KLRC1: variants seen among roughly 807,000 people sequenced by gnomAD.
The protein encoded by KLRC1 is killer cell lectin like receptor C1.
In KLRC1, 22 loss-of-function variants were observed where a neutral mutation model predicts 25.9. The ratio of observed to expected loss-of-function variants is 0.85; its 90% CI spans 0.61 to 1.21. The LOEUF (loss-of-function observed/expected upper bound fraction) is 1.21. KLRC1 is among the 50% of genes most tolerant of loss of function. The pLI is 0.00. For synonymous variants in KLRC1, 77 were observed against 93.1 expected (o/e 0.83, Z 0.99); for missense variants, 240 against 272.2 (o/e 0.88, Z 0.83).
At chr12:10,450,190 G>C (rs1015009619) in intron 3 of KLRC1, 1 of 432,408 alleles carries the variant, frequency 2.3e-6, no homozygotes, top group African/African-American at 2.1e-5. Context: ...TATAATTCTT[G>C]ATTTAACTAC....
chr12:10,446,607 G>C lies in KLRC1; in HGVS notation c.646C>G (p.Leu216Val), dbSNP rs758332936. 2 of 1,613,948 alleles carry C rather than the reference G, an allele frequency of 1.2e-6. No individual in the cohort carries two copies. Among genetic ancestry groups the C allele is most frequent in the African/African-American group, 1.3e-5 (1 of 75,034 alleles). ...GAAGATCCACACTGGGCTGATTTAAGTCGATTTACTTGTAGCACTGCACAG... is the reference window on the plus strand; with the variant it reads ...GAAGATCCACACTGGGCTGATTTAACTCGATTTACTTGTAGCACTGCACAG... ...LNCAVLQVNR[L>V]KSAQCGSSII... The change falls in exon 7 of 7, where the codon CTT becomes GTT. Residue 216 changes from leucine (L) to valine (V), a missense_variant. By Grantham distance (32) the Leu-to-Val change is conservative. Transcript: ENST00000359151.
At chr12:10,453,553 T>G (rs550300909), upstream of KLRC1, among the ~76,000 whole-genome samples, 1 of 145,254 alleles carries the variant, frequency 6.9e-6, no homozygotes, top group African/African-American at 2.7e-5. Flanking sequence ...ATTTTTCAAG[T>G]GCCTATGAGA....
rs1224452639 is a variant in KLRC1 at position 10,449,294 on chromosome 12, C to A, written c.432G>T (p.Leu144Phe). ...GKERRTWEES[L>F]LACTSKNSSL... ...TGGAGTTCTTCGAAGTACAGGCCAG[C>A]AAACTCTCTTCCCAAGTTCTTCTTT... is the stretch of plus-strand genomic sequence containing the variant. Residue 144 changes from leucine (L) to phenylalanine (F), a missense_variant, in exon 5 of 7, where the codon TTG becomes TTT. By Grantham distance (22) the Leu-to-Phe change is conservative (BLOSUM62 0). Transcript: ENST00000359151. The A allele has an allele frequency of 6.2e-7, 1 of 1,613,864 alleles. No homozygotes were observed. The highest frequency in any genetic ancestry group is 8.5e-7 in the Non-Finnish European group (1 of 1,179,852).
At chr12:10,449,127 T>G in intron 5 of KLRC1, 110 bp downstream of exon 5, 4 of 1,381,846 alleles carry the variant, frequency 2.9e-6, no homozygotes, top group Non-Finnish European at 4.0e-6. Context: ...TACATAAACT[T>G]GAAAACATAT....
intron 5 of KLRC1, among the ~76,000 whole-genome samples, chr12:10,448,513 G>A (rs1410864096): frequency 6.6e-6 from 1 of 152,186 alleles, no homozygotes; most frequent in Non-Finnish European, 1.5e-5. Flanking sequence ...CACCAGAGTG[G>A]ATGTGGGTGA....
At chr12:10,447,397 T>C in intron 6 of KLRC1, 135 bp downstream of exon 6, 2 of 793,442 alleles carry the variant, frequency 2.5e-6, no homozygotes, top group Admixed American at 2.9e-5. Flanking sequence ...TATTGTAAAA[T>C]ATTTATGTCA....
At chr12:10,445,688 A>G (rs1165503311), downstream of KLRC1, among the ~76,000 whole-genome samples, 3 of 152,166 alleles carry the variant, frequency 2.0e-5, no homozygotes. Context: ...AAATAAATCA[A>G]TAGTTGACAT....
At position 10,446,477 on chromosome 12, in the gene KLRC1, T is replaced by C; in HGVS notation, c.*74A>G. 6.7e-7 allele frequency: 1 copy of C among 1,490,290 alleles called. No individual in the cohort carries two copies. Among genetic ancestry groups the C allele is most frequent in the Non-Finnish European group, 9.0e-7 (1 of 1,110,658 alleles). The allele number at this position is 1,490,290 out of a possible 1,614,324, so 92.3% of individuals were successfully genotyped here. ...ATAACATAATTCATTTTAAGATTTA[T>C]GCAATCATAATATATTTCTATTTTA... On this transcript the variant is annotated 3_prime_UTR_variant, in exon 7 of 7. Transcript: ENST00000359151.
chr12:10,452,964 T>C (rs1287086696), intron 1 of KLRC1, among the ~76,000 whole-genome samples: 1 of 152,214 alleles, frequency 6.6e-6, no homozygotes, highest in Non-Finnish European at 1.5e-5. Context: ...CCTTAAACGA[T>C]ATTGATCAAC....
intron 1 of KLRC1, among the ~76,000 whole-genome samples, chr12:10,452,252 G>T (rs1192184842): frequency 2.0e-5 from 3 of 152,018 alleles, no homozygotes; most frequent in African/African-American, 7.2e-5. Context: ...TCATGTTAAA[G>T]CACATTTCAT....
chr12:10,447,776 T>C lies in KLRC1; in HGVS notation c.490-144A>G, dbSNP rs186420945. On this transcript the variant is annotated intron_variant, in intron 5 of 6. Coordinates refer to ENST00000359151, the MANE Select transcript of KLRC1 (RefSeq NM_002259.5). ...TTTGATATAAATGAACCCGTCAATG[T>C]TTATACTTAGTACTTTTATTCTTCT... 1.5e-4 allele frequency: 99 copies of C among 647,340 alleles called. No homozygotes were observed. The East Asian group carries it at 2.3e-3, about 15-fold the overall frequency. The allele number at this position is 647,340 out of a possible 1,614,324, so 40.1% of individuals were successfully genotyped here.
intron 1 of KLRC1, among the ~76,000 whole-genome samples, chr12:10,451,583 G>A (rs772669765): frequency 3.9e-5 from 6 of 151,974 alleles, no homozygotes; most frequent in Non-Finnish European, 8.8e-5. Flanking sequence ...TTGAACATGG[G>A]CGGCAGAGGT....
At chr12:10,454,546 C>T (rs748248336), upstream of KLRC1, 14 of 950,040 alleles carry the variant, frequency 1.5e-5, no homozygotes, top group African/African-American at 3.5e-5. Flanking sequence ...GTGTCAGCCA[C>T]AACTTGAGAT....
Position 10,449,335 on chromosome 12 carries a change from A to G in KLRC1, c.391T>C (p.Tyr131His), listed in dbSNP as rs1864071476. ...EEWITYSNSCYYIGKERRTWE... is the reference protein window; with the variant it reads ...EEWITYSNSCHYIGKERRTWE... ...GTTCTTCTTTCCTTACCAATGTAGT[A>G]ACAACTGTTGGAATATGTAATCCAC... is the stretch of plus-strand genomic sequence containing the variant. Residue 131 changes from tyrosine to histidine, a missense_variant, in exon 5 of 7, where the codon TAC becomes CAC. Tyr to His is a moderately conservative substitution (Grantham distance 83). Transcript: ENST00000359151. The G allele has an allele frequency of 6.2e-7, 1 of 1,613,878 alleles. No homozygotes were observed. Among genetic ancestry groups the G allele is most frequent in the South Asian group, 1.1e-5 (1 of 91,086 alleles).
downstream of KLRC1, among the ~76,000 whole-genome samples, chr12:10,444,714 C>T (rs1370157048): frequency 6.6e-6 from 1 of 152,010 alleles, no homozygotes; most frequent in African/African-American, 2.4e-5. Context: ...GATGGCATAA[C>T]TAGTGAATTA....
At chr12:10,450,629 G>A (rs377551092) in intron 2 of KLRC1, 50 bp from the exon 3 acceptor site, 21 of 1,178,110 alleles carry the variant, frequency 1.8e-5, no homozygotes, top group Non-Finnish European at 2.4e-5. Context: ...GGATACAGTC[G>A]TTTAGAAGAT....
At chr12:10,445,848 T>C (rs1250085513), downstream of KLRC1, among the ~76,000 whole-genome samples, 2 of 152,064 alleles carry the variant, frequency 1.3e-5, no homozygotes, top group Non-Finnish European at 2.9e-5. Context: ...GTAAAATACC[T>C]ACATTTCTGT....
intron 5 of KLRC1, among the ~76,000 whole-genome samples, chr12:10,448,062 GC>G (rs1470072549): frequency 2.0e-5 from 3 of 152,122 alleles, no homozygotes; most frequent in Admixed American, 1.3e-4. Flanking sequence ...AACTAGATAA[GC>G]CCTCACTTTT....
At chr12:10,444,972 T>G (rs1215502606), downstream of KLRC1, among the ~76,000 whole-genome samples, 1 of 142,250 alleles carries the variant, frequency 7.0e-6, no homozygotes, top group Non-Finnish European at 1.5e-5. Flanking sequence ...CAGGTTGGAG[T>G]GCAGTGGTGC....
Sources: allele counts gnomAD v4.1 joint callset (sites outside exome capture counted in the v4.1 genomes callset), GRCh38; gene constraint gnomAD v4.1.1; transcripts MANE v1.5; gene names NCBI Gene and HGNC (gene_info 2026-07-23, HGNC 2026-07-21).